Variants in SUPT3H observed in about 807,000 individuals in gnomAD.
SUPT3H encodes SPT3 homolog, SAGA and STAGA complex component.
SUPT3H carries 44 observed loss-of-function variants against 44.3 expected under a neutral mutation model. The ratio of observed to expected loss-of-function variants is 0.99; its 90% confidence interval spans 0.78 to 1.28. The LOEUF (loss-of-function observed/expected upper bound fraction) is 1.28, where lower values mean the gene tolerates loss of function less well. Among genes scored for constraint, SUPT3H ranks in the 50% most tolerant of loss-of-function variants. The probability of loss-of-function intolerance (pLI) is 0.00; values close to 1 mark genes in which losing one functional copy is unlikely to be tolerated. For missense variants in SUPT3H, 380 were observed against 387.1 expected (o/e 0.98, Z 0.15); for synonymous variants, 124 against 125.6 (o/e 0.99, Z 0.09).
At chr6:45,205,810 CA>C (rs544473552) in intron 2 of SUPT3H, among the ~76,000 whole-genome samples, 3,206 of 139,120 alleles carry the variant, frequency 0.023, 64 homozygotes, top group South Asian at 0.09. Context: ...AAAAACAAAA[CA>C]AAAAAAAAAA....
At chr6:45,115,622 TA>T (rs1800731927) in intron 2 of SUPT3H, among the ~76,000 whole-genome samples, 1 of 152,078 alleles carries the variant, frequency 6.6e-6, no homozygotes, top group African/African-American at 2.4e-5. Context: ...CAAAATAACT[TA>T]AGGACTTTAG....
chr6:45,258,592 T>C (rs2153656372), intron 2 of SUPT3H, among the ~76,000 whole-genome samples: 2 of 152,302 alleles, frequency 1.3e-5, no homozygotes, highest in South Asian at 4.1e-4. Flanking sequence ...TTTGCATAAG[T>C]ATGAGTAAAT....
At chr6:44,940,762 A>G (rs1485305727) in intron 9 of SUPT3H, among the ~76,000 whole-genome samples, 1 of 152,114 alleles carries the variant, frequency 6.6e-6, no homozygotes, top group East Asian at 1.9e-4. Context: ...GTGCATATAT[A>G]CTTAGAATTG....
intron 10 of SUPT3H, among the ~76,000 whole-genome samples, chr6:44,876,851 G>GAAAAAAAAAAAAAAAAAAAAAAAAAAAA (rs1777382847): frequency 9.6e-6 from 1 of 104,426 alleles, no homozygotes; most frequent in Non-Finnish European, 2.1e-5. Flanking sequence ...AAAAAAAAAA[G>GAAAAAAAAAAAAAAAAAAAAAAAAAAAA]AAAAAGAAAA....
intron 5 of SUPT3H, among the ~76,000 whole-genome samples, chr6:45,011,784 A>G (rs533212734): frequency 1.3e-5 from 2 of 151,932 alleles, no homozygotes; most frequent in Admixed American, 6.6e-5. Flanking sequence ...TTATGTACTT[A>G]ATTATCTTTA....
chr6:44,921,680 A>C (rs1004533572), intron 10 of SUPT3H, among the ~76,000 whole-genome samples: 6 of 152,212 alleles, frequency 3.9e-5, no homozygotes, highest in Non-Finnish European at 7.3e-5. Context: ...TTAGTCTTGA[A>C]TACAGGTATG....
At chr6:45,331,785 TTATGA>T (rs1787569343) in intron 2 of SUPT3H, among the ~76,000 whole-genome samples, 1 of 151,968 alleles carries the variant, frequency 6.6e-6, no homozygotes, top group Non-Finnish European at 1.5e-5. Context: ...CATGATTACA[TTATGA>T]TATATTTTAG....
At chr6:44,972,153 C>A (rs751809408) in intron 6 of SUPT3H, among the ~76,000 whole-genome samples, 2 of 152,158 alleles carry the variant, frequency 1.3e-5, no homozygotes, top group Non-Finnish European at 2.9e-5. Context: ...CAAGACCAGT[C>A]CCTTCCACTT....
intron 3 of SUPT3H, among the ~76,000 whole-genome samples, chr6:45,044,890 A>C (rs1789130062): frequency 6.6e-6 from 1 of 152,216 alleles, no homozygotes; most frequent in Non-Finnish European, 1.5e-5. Flanking sequence ...CAGTTAAAAA[A>C]TAAAAATTAT....
At chr6:45,180,988 C>G (rs985895571) in intron 2 of SUPT3H, among the ~76,000 whole-genome samples, 2 of 151,080 alleles carry the variant, frequency 1.3e-5, no homozygotes, top group African/African-American at 4.9e-5. Context: ...GGGCTAATAT[C>G]CAGAATCTAC....
intron 10 of SUPT3H, among the ~76,000 whole-genome samples, chr6:44,865,194 C>T (rs1308532463): frequency 6.6e-6 from 1 of 152,162 alleles, no homozygotes; most frequent in African/African-American, 2.4e-5. Flanking sequence ...ACCACCTCAG[C>T]GTGGATTTCA....
chr6:45,303,038 A>T (rs1782403794), intron 2 of SUPT3H, among the ~76,000 whole-genome samples: 1 of 152,134 alleles, frequency 6.6e-6, no homozygotes. Context: ...CTATTGAACA[A>T]ATGGTGTTGG....
rs73735259 is a variant in SUPT3H, at chr6:44,920,766, T to G, written c.912+11887A>C. Among the ~76,000 whole-genome samples, 594 of 152,286 alleles carry G rather than the reference T, an allele frequency of 3.9e-3. 7 individuals are homozygous for G. The highest frequency in any genetic ancestry group is 0.014 in the African/African-American group (565 of 41,548). On this transcript the variant is annotated intron_variant, in intron 10 of 10. Transcript: ENST00000371459. The stretch of plus-strand genomic sequence containing the variant: ...CTTCTCAAAATGGCATCACTTTATC[T>G]TTGATGCTTCATCTCATCTCAACGT...
chr6:45,062,630 G>T (rs868738102), intron 3 of SUPT3H, among the ~76,000 whole-genome samples: 2 of 152,202 alleles, frequency 1.3e-5, no homozygotes, highest in East Asian at 1.9e-4. Flanking sequence ...GAAGCAGGGC[G>T]AGGCATTGCC....
Position 45,341,998 on chromosome 6 carries a change from C to T in SUPT3H, c.101+23203G>A, listed in dbSNP as rs116513032. 7.0e-3 allele frequency among the ~76,000 whole-genome samples: 1,064 copies of T among 151,480 alleles called. 20 individuals are homozygous for T. The highest frequency in any genetic ancestry group is 0.025 in the African/African-American group (1,012 of 41,276). ...GGTGATTTAGTAGTTATTAACCTAG[C>T]ATTAAAAAAAAACGGAGACTGGACT... is the stretch of plus-strand genomic sequence containing the variant. On this transcript the variant is annotated intron_variant, in intron 2 of 10. Transcript: ENST00000371459.
At chr6:45,199,038 T>C (rs1289551164) in intron 2 of SUPT3H, among the ~76,000 whole-genome samples, 1 of 151,338 alleles carries the variant, frequency 6.6e-6, no homozygotes, top group African/African-American at 2.4e-5. Flanking sequence ...TAATTACATC[T>C]TTTACTAGTG....
At chr6:45,099,025 C>A in intron 3 of SUPT3H, 1 of 379,432 alleles carries the variant, frequency 2.6e-6, no homozygotes, top group Non-Finnish European at 5.2e-6. Context: ...CCTCCTACAG[C>A]AGCAGAAGAT....
chr6:45,338,610 T>C (rs1562978692), intron 2 of SUPT3H, among the ~76,000 whole-genome samples: 3 of 152,150 alleles, frequency 2.0e-5, no homozygotes, highest in Non-Finnish European at 2.9e-5. Context: ...TGAGGGTTAC[T>C]GACCATGTGA....
chr6:44,964,786 G>A (rs1389690333), intron 6 of SUPT3H, among the ~76,000 whole-genome samples: 2 of 152,110 alleles, frequency 1.3e-5, no homozygotes, highest in Admixed American at 6.5e-5. Context: ...AACACTCCAC[G>A]CAAAGCAGCT....
Sources: allele counts gnomAD v4.1 joint callset (sites outside exome capture counted in the v4.1 genomes callset), GRCh38; gene constraint gnomAD v4.1.1; transcripts MANE v1.5; gene names NCBI Gene and HGNC (gene_info 2026-07-23, HGNC 2026-07-21).